Variants in ANLN observed in about 807,000 individuals in gnomAD.
ANLN encodes the protein anillin, actin binding protein.
Under a neutral mutation model 135.1 loss-of-function variants are expected in ANLN, and 59 were observed. The ratio of observed to expected loss-of-function variants is 0.44; its 90% confidence interval spans 0.35 to 0.54. ANLN has a LOEUF of 0.54. Among genes scored for constraint, ANLN ranks in the 20% least tolerant of loss-of-function variants. The pLI, the probability that ANLN is intolerant of heterozygous loss-of-function variation, is 0.00. For missense variants in ANLN, 1,182 were observed against 1,340.0 expected (o/e 0.88, Z 1.84); for synonymous variants, 406 against 456.4 (o/e 0.89, Z 1.41).
At chr7:36,393,702 G>A (rs1351414886) in intron 1 of ANLN, among the ~76,000 whole-genome samples, 1 of 152,186 alleles carries the variant, frequency 6.6e-6, no homozygotes, top group African/African-American at 2.4e-5. Flanking sequence ...TTCATGGTTG[G>A]TGGTCTTCTT....
chr7:36,426,176 CT>C, intron 19 of ANLN, 140 bp downstream of exon 19: 1 of 671,698 alleles, frequency 1.5e-6, no homozygotes, highest in Non-Finnish European at 2.3e-6. Context: ...ATGTGAGTTT[CT>C]TAGTAACAGG....
chr7:36,435,143 G>C (rs1788474485), intron 20 of ANLN, among the ~76,000 whole-genome samples: 1 of 152,070 alleles, frequency 6.6e-6, no homozygotes, highest in Non-Finnish European at 1.5e-5. Context: ...ATTATGTTCA[G>C]TTAATTATAG....
intron 15 of ANLN, 87 bp downstream of exon 15, chr7:36,424,030 ATC>A: frequency 7.3e-7 from 1 of 1,376,024 alleles, no homozygotes; most frequent in East Asian, 2.5e-5. Context: ...GGCATTTATA[ATC>A]TTTGAAACGC....
intron 22 of ANLN, among the ~76,000 whole-genome samples, chr7:36,446,437 C>T (rs1039713829): frequency 1.3e-5 from 2 of 152,106 alleles, no homozygotes; most frequent in Admixed American, 6.6e-5. Context: ...AAATTGGCTC[C>T]TGATTCTGCA....
chr7:36,393,523 T>G (rs1786568617), intron 1 of ANLN, among the ~76,000 whole-genome samples: 1 of 152,158 alleles, frequency 6.6e-6, no homozygotes, highest in African/African-American at 2.4e-5. Flanking sequence ...TACAAAGGGG[T>G]CCTGATGGGT....
rs372025893 is a variant in ANLN, at chr7:36,427,881, A to T, written c.2883+853A>T. Among the ~76,000 whole-genome samples the T allele has an allele frequency of 4.6e-5, 7 of 152,252 alleles. No individual in the cohort carries two copies. In the East Asian group the frequency reaches 7.7e-4, roughly 17 times the overall value. On this transcript the variant is annotated intron_variant, in intron 20 of 23. Transcript: ENST00000265748. The stretch of plus-strand genomic sequence containing the variant: ...TTAAGGAGTAAGACAACTAGAGGCA[A>T]ATTTTATTTCTTGGGTTGACTTCTA...
intron 14 of ANLN, among the ~76,000 whole-genome samples, chr7:36,423,523 A>G (rs182536679): frequency 6.6e-5 from 10 of 152,262 alleles, no homozygotes; most frequent in African/African-American, 2.4e-4. Context: ...CTATTAGTTA[A>G]GAATTAAGGG....
At chr7:36,429,891 C>T in intron 20 of ANLN, among the ~76,000 whole-genome samples, 1 of 152,178 alleles carries the variant, frequency 6.6e-6, no homozygotes, top group East Asian at 1.9e-4. Flanking sequence ...GAATTTATAA[C>T]TTAAATAGCC....
intron 13 of ANLN, among the ~76,000 whole-genome samples, chr7:36,422,270 A>T (rs1238756408): frequency 7.0e-6 from 1 of 142,308 alleles, no homozygotes; most frequent in Non-Finnish European, 1.5e-5. Context: ...ATATATACAC[A>T]TGTACACATA....
chr7:36,424,733 C>G lies in ANLN; in HGVS notation c.2700C>G (p.Ser900=), dbSNP rs1788012069. The G allele has an allele frequency of 6.2e-7, 1 of 1,611,480 alleles. No homozygotes were observed. The highest frequency in any genetic ancestry group is 8.5e-7 in the Non-Finnish European group (1 of 1,178,860). Residue 900 remains serine (S), a synonymous_variant, in exon 17 of 24, where the codon TCC becomes TCG. Transcript: ENST00000265748. ...GCCTTGATAAGAAGAAAAAAACATC[C>G]AAGTCCAAGGTGAGAATTAAAGAAA... ...PSGLDKKKKT[S]KSKAITPKRL...
rs1016820108 is a variant in ANLN, at chr7:36,422,018, T to C, written c.2299+26T>C. 3 of 1,595,164 alleles carry C rather than the reference T, an allele frequency of 1.9e-6. No individual in the cohort carries two copies. In the African/African-American group the frequency reaches 4.1e-5, roughly 22 times the overall value. ...GTAAGTGTGATGCACCTGAAAGAGT[T>C]CCAACAAATTTCTAACCAGGGAAAA... is the stretch of plus-strand genomic sequence containing the variant. On this transcript the variant is annotated intron_variant, in intron 13 of 23. Transcript: ENST00000265748.
Position 36,390,019 on chromosome 7 carries a change from C to T in ANLN, c.-8C>T. On this transcript the variant is annotated 5_prime_UTR_variant, in exon 1 of 24. Coordinates refer to ENST00000265748, the MANE Select transcript of ANLN (RefSeq NM_018685.5). Reference sequence around the variant, plus strand: ...TTTCCATCGTCTCGTAGTCCGACGCCTGGGGCGATGGATCCGTTTACGGAG... The same window carrying T: ...TTTCCATCGTCTCGTAGTCCGACGCTTGGGGCGATGGATCCGTTTACGGAG... The T allele has an allele frequency of 6.2e-7, 1 of 1,614,098 alleles. No individual in the cohort carries two copies.
chr7:36,413,290 C>A (rs769599386), intron 7 of ANLN, among the ~76,000 whole-genome samples: 1 of 152,156 alleles, frequency 6.6e-6, no homozygotes, highest in Non-Finnish European at 1.5e-5. Context: ...AGGTTTCCCC[C>A]TTCTCTTTAG....
Position 36,410,622 on chromosome 7 carries a change from C to T in ANLN, c.1205C>T (p.Pro402Leu). The change falls in exon 6 of 24, where the codon CCA (proline) becomes CTA (leucine). Residue 402 changes from proline to leucine, a missense_variant. Pro to Leu is a moderately conservative substitution (Grantham distance 98). Transcript: ENST00000265748. ...CCCCACAGAACCCCCATTATTACTC[C>T]AAATACAAAGGCCATCCAAGAAAGA... ...STPHRTPIIT[P>L]NTKAIQERLF... 1.2e-6 allele frequency: 2 copies of T among 1,614,070 alleles called. No individual in the cohort carries two copies. Among genetic ancestry groups the T allele is most frequent in the Non-Finnish European group, 1.7e-6 (2 of 1,179,998 alleles).
In ANLN at chr7:36,394,607, A is replaced by G. The variant is rs78387665; in HGVS notation, c.19-1659A>G. 8.6e-3 allele frequency among the ~76,000 whole-genome samples: 1,305 copies of G among 151,578 alleles called. 21 individuals are homozygous for G. Among genetic ancestry groups the G allele is most frequent in the African/African-American group, 0.03 (1,214 of 41,020 alleles). ...TTTCAATTTAGTGTCACTTTTTTCA[A>G]TGAACTTTAAATTAGAAATCATTCT... On this transcript the variant is annotated intron_variant, in intron 1 of 23. Transcript: ENST00000265748.
chr7:36,439,399 T>G, intron 21 of ANLN, 109 bp downstream of exon 21: 2 of 675,128 alleles, frequency 3.0e-6, no homozygotes, highest in Non-Finnish European at 5.0e-6. Flanking sequence ...GTTGGTTCAG[T>G]AAAGATTTGT....
At chr7:36,417,359 A>T (rs1787685658) in intron 9 of ANLN, among the ~76,000 whole-genome samples, 169 bp downstream of exon 9, 4 of 152,212 alleles carry the variant, frequency 2.6e-5, no homozygotes, top group African/African-American at 9.6e-5. Context: ...GCTAGCTCAC[A>T]GGCACCTGTG....
At chr7:36,427,206 T>C (rs1788118833) in intron 20 of ANLN, among the ~76,000 whole-genome samples, 178 bp downstream of exon 20, 1 of 148,686 alleles carries the variant, frequency 6.7e-6, no homozygotes, top group Admixed American at 6.7e-5. Flanking sequence ...TTTTTTTTTG[T>C]CTTGGAAGTA....
At chr7:36,410,425 A>T in intron 5 of ANLN, 89 bp from the exon 6 acceptor site, 1 of 1,097,204 alleles carries the variant, frequency 9.1e-7, no homozygotes. Context: ...AGCATTTTGA[A>T]GCTGTAATGT....
Sources: gnomAD v4.1 joint callset for allele counts (sites outside exome capture counted in the v4.1 genomes callset) on GRCh38, gnomAD v4.1.1 for gene constraint, MANE v1.5 for transcripts, NCBI Gene and HGNC (gene_info 2026-07-23, HGNC 2026-07-21) for gene names.